ZNF407: variants seen among roughly 807,000 people sequenced by gnomAD.
ZNF407 encodes zinc finger protein 407.
ZNF407 carries 17 observed loss-of-function variants against 131.2 expected under a neutral mutation model. That is an observed-to-expected ratio of 0.13 (90% CI 0.09 to 0.19). The LOEUF is 0.19. ZNF407 is among the 10% of genes least tolerant of loss of function. The pLI, the probability that ZNF407 is intolerant of heterozygous loss-of-function variation, is 1.00. For missense variants in ZNF407, 2,681 were observed against 2,830.6 expected (o/e 0.95, Z 1.20); for synonymous variants, 1,156 against 1,062.0 (o/e 1.09, Z -1.72).
intron 8 of ZNF407, among the ~76,000 whole-genome samples, chr18:75,001,281 T>C (rs1221306025): frequency 2.0e-5 from 3 of 152,128 alleles, no homozygotes; most frequent in Non-Finnish European, 2.9e-5. Flanking sequence ...ATGGGACAAA[T>C]AATATTATAA....
At chr18:75,037,490 T>A (rs1973322309) in intron 8 of ZNF407, among the ~76,000 whole-genome samples, 1 of 151,914 alleles carries the variant, frequency 6.6e-6, no homozygotes, top group African/African-American at 2.4e-5. Flanking sequence ...TAATTAGTGC[T>A]GTGCTGCGGT....
intron 1 of ZNF407, among the ~76,000 whole-genome samples, chr18:74,619,878 T>C (rs912632296): frequency 1.1e-4 from 17 of 152,338 alleles, no homozygotes; most frequent in African/African-American, 3.8e-4. Flanking sequence ...ATTAGTTACA[T>C]TGATAATAAA....
intron 7 of ZNF407, chr18:74,905,291 C>T (rs1435011095): frequency 6.6e-6 from 1 of 152,248 alleles, no homozygotes; most frequent in African/African-American, 2.4e-5. Context: ...TATTTGTCTT[C>T]TGAAGTGCCT....
At chr18:74,748,801 T>A (rs1262145623) in intron 3 of ZNF407, among the ~76,000 whole-genome samples, 1 of 152,182 alleles carries the variant, frequency 6.6e-6, no homozygotes, top group East Asian at 1.9e-4. Context: ...TTTTACCTGT[T>A]GTGGACCCTG....
At chr18:74,811,583 A>G (rs1970195615) in intron 4 of ZNF407, among the ~76,000 whole-genome samples, 1 of 152,132 alleles carries the variant, frequency 6.6e-6, no homozygotes, top group Non-Finnish European at 1.5e-5. Context: ...ACGTATGTTT[A>G]TTGCGGCACT....
intron 8 of ZNF407, among the ~76,000 whole-genome samples, chr18:74,981,343 G>C (rs1038491897): frequency 6.6e-6 from 1 of 152,214 alleles, no homozygotes; most frequent in African/African-American, 2.4e-5. Context: ...GAAAGCCGCA[G>C]CTCCAGGCCT....
At chr18:74,879,133 G>A (rs901634005) in intron 5 of ZNF407, among the ~76,000 whole-genome samples, 1 of 152,150 alleles carries the variant, frequency 6.6e-6, no homozygotes, top group African/African-American at 2.4e-5. Flanking sequence ...ATATATGTAA[G>A]TATGCAGCAT....
chr18:74,632,775 T>G lies in ZNF407; in HGVS notation c.1756T>G (p.Ser586Ala). 6.2e-7 allele frequency: 1 copy of G among 1,614,054 alleles called. No homozygotes were observed. The highest frequency in any genetic ancestry group is 2.2e-5 in the East Asian group (1 of 44,886). Residue 586 changes from serine (S) to alanine (A), a missense_variant, in exon 2 of 9, where the codon TCT becomes GCT. Physicochemically the swap from Ser to Ala is moderately conservative, Grantham distance 99. Coordinates refer to ENST00000299687, the MANE Select transcript of ZNF407 (RefSeq NM_017757.3). ...CAGTAACCAGCATCAGCAAACTGCTTCTGTCCTGAGTTGTCAGTGTTGTTC... is the reference window on the plus strand; with the variant it reads ...CAGTAACCAGCATCAGCAAACTGCTGCTGTCCTGAGTTGTCAGTGTTGTTC... ...LHSNQHQQTA[S>A]VLSCQCCSFI...
chr18:74,631,315 G>A lies in ZNF407; in HGVS notation c.296G>A (p.Ser99Asn). Reference sequence around the variant, plus strand: ...ATTTGTAGATTAGAAACTTCTGAGAGCTCAGTCACAGAAGGGGGTATTGCA... The same window carrying A: ...ATTTGTAGATTAGAAACTTCTGAGAACTCAGTCACAGAAGGGGGTATTGCA... ...QGICRLETSE[S>N]SVTEGGIALD... Residue 99 changes from serine to asparagine, a missense_variant, in exon 2 of 9, where the codon AGC becomes AAC. Ser to Asn is a conservative substitution (Grantham distance 46, BLOSUM62 1). Coordinates refer to ENST00000299687, the MANE Select transcript of ZNF407 (RefSeq NM_017757.3). The A allele has an allele frequency of 6.2e-7, 1 of 1,613,982 alleles. No individual in the cohort carries two copies. The highest frequency in any genetic ancestry group is 8.5e-7 in the Non-Finnish European group (1 of 1,179,880).
intron 6 of ZNF407, among the ~76,000 whole-genome samples, chr18:74,882,042 G>C (rs1971246127): frequency 6.6e-6 from 1 of 152,104 alleles, no homozygotes; most frequent in African/African-American, 2.4e-5. Flanking sequence ...GCACAAGAAA[G>C]ACCTGCTCCC....
At chr18:74,798,185 A>C (rs1474204847) in intron 4 of ZNF407, among the ~76,000 whole-genome samples, 1 of 138,266 alleles carries the variant, frequency 7.2e-6, no homozygotes, top group South Asian at 2.4e-4. Context: ...TTTTACAGGT[A>C]TTCTTTCTTT....
At chr18:74,661,712 TAAAAC>T (rs1599049352) in intron 3 of ZNF407, among the ~76,000 whole-genome samples, 2 of 152,246 alleles carry the variant, frequency 1.3e-5, no homozygotes, top group Middle Eastern at 3.4e-3. Flanking sequence ...CCATTTTAAA[TAAAAC>T]AAAAACTATT....
At chr18:74,602,528 T>G (rs2144603290) in intron 1 of ZNF407, among the ~76,000 whole-genome samples, 1 of 152,324 alleles carries the variant, frequency 6.6e-6, no homozygotes, top group South Asian at 2.1e-4. Flanking sequence ...AATAATGTTT[T>G]TGAGCTCTTT....
At chr18:74,952,657 A>T (rs8084905) in intron 8 of ZNF407, among the ~76,000 whole-genome samples, 8,602 of 152,300 alleles carry the variant, frequency 0.056, 812 homozygotes, top group African/African-American at 0.19. Flanking sequence ...CTTAAGAATA[A>T]GACTTTTAAA....
At chr18:74,928,409 A>C (rs951022061) in intron 8 of ZNF407, among the ~76,000 whole-genome samples, 9 of 152,192 alleles carry the variant, frequency 5.9e-5, no homozygotes, top group African/African-American at 2.2e-4. Flanking sequence ...CAGAGAGAAT[A>C]GATGGTGAAG....
chr18:74,813,657 A>C (rs1341992114), intron 4 of ZNF407, among the ~76,000 whole-genome samples: 2 of 152,130 alleles, frequency 1.3e-5, no homozygotes, highest in East Asian at 3.9e-4. Flanking sequence ...GGAATCACCA[A>C]GTAACATGGG....
At chr18:74,675,754 ATATT>A (rs1986329782) in intron 3 of ZNF407, among the ~76,000 whole-genome samples, 1 of 152,176 alleles carries the variant, frequency 6.6e-6, no homozygotes, top group Admixed American at 6.5e-5. Context: ...TCCATGTTTA[ATATT>A]AAGTGGTACT....
intron 2 of ZNF407, among the ~76,000 whole-genome samples, chr18:74,638,369 TGAATGAA>T (rs1984556789): frequency 8.9e-6 from 1 of 111,980 alleles, no homozygotes; most frequent in Non-Finnish European, 2.1e-5. Context: ...AACGAGCAGA[TGAATGAA>T]TGAATGAATG....
At chr18:74,818,259 C>A (rs1568228909) in intron 4 of ZNF407, among the ~76,000 whole-genome samples, 1 of 152,218 alleles carries the variant, frequency 6.6e-6, no homozygotes, top group Non-Finnish European at 1.5e-5. Context: ...CTCTCTCGAG[C>A]ATAGCGCCAT....
Sources: allele counts gnomAD v4.1 joint callset (sites outside exome capture counted in the v4.1 genomes callset), GRCh38; gene constraint gnomAD v4.1.1; transcripts MANE v1.5; gene names NCBI Gene and HGNC (gene_info 2026-07-23, HGNC 2026-07-21).